OMD: variants seen among roughly 807,000 people sequenced by gnomAD.
The protein encoded by OMD is osteomodulin.
In OMD, 19 loss-of-function variants were observed where a neutral mutation model predicts 31.2. The observed-to-expected ratio is 0.61, with a 90% confidence interval of 0.42 to 0.89. The LOEUF is 0.89. Among genes scored for constraint, OMD ranks in the 40% least tolerant of loss-of-function variants. OMD has a pLI of 0.00. For synonymous variants in OMD, 155 were observed against 166.4 expected, an observed-to-expected ratio of 0.93 and a Z score of 0.53; for missense variants, 448 against 490.8, an observed-to-expected ratio of 0.91 and a Z score of 0.82.
At chr9:92,418,081 C>CTTTTTTCT (rs144702027) in intron 1 of OMD, among the ~76,000 whole-genome samples, 2 of 150,096 alleles carry the variant, frequency 1.3e-5, no homozygotes, top group East Asian at 4.0e-4. Flanking sequence ...TTTCTTTTTT[C>CTTTTTTCT]TTTTTCTTTT....
At chr9:92,420,373 G>T (rs915346126) in intron 1 of OMD, among the ~76,000 whole-genome samples, 1 of 151,988 alleles carries the variant, frequency 6.6e-6, no homozygotes, top group African/African-American at 2.4e-5. Flanking sequence ...AAACTTTCTG[G>T]CTCCTTCAAT....
At position 92,412,707 on chromosome 9, in the gene OMD, G is replaced by A. The variant is rs973059962; in HGVS notation, c.*2445C>T. Among the ~76,000 whole-genome samples, 2 of 152,146 alleles carry A rather than the reference G, an allele frequency of 1.3e-5. No homozygotes were observed. The highest frequency in any genetic ancestry group is 4.8e-5 in the African/African-American group (2 of 41,450). On this transcript the variant is annotated 3_prime_UTR_variant, in exon 3 of 3. Coordinates refer to ENST00000375550, the MANE Select transcript of OMD (RefSeq NM_005014.3). ...CAGTGCTTCGTTACTTTTTATTGCT[G>A]AATAATATTCCACTGTATGGATATA...
chr9:92,416,571 C>G, intron 2 of OMD, 48 bp downstream of exon 2: 1 of 1,165,440 alleles, frequency 8.6e-7, no homozygotes, highest in Non-Finnish European at 1.2e-6. Context: ...TTTAAAAGAT[C>G]AGGATTCCAT....
intron 2 of OMD, 59 bp downstream of exon 2, chr9:92,416,560 C>T: frequency 7.3e-6 from 8 of 1,094,648 alleles, no homozygotes; most frequent in South Asian, 1.7e-5. Flanking sequence ...ATATTTTTTT[C>T]TTTAAAAGAT....
rs147807372 is a variant in OMD at position 92,415,361 on chromosome 9, A to T, written c.1057T>A (p.Cys353Ser). ...KEPISSYIFF[C>S]FPHIHTIYYG... ...TAAATAGTGTGTATATGAGGGAAGC[A>T]GAAGAAGATGTATGAGCTTATTGGT... Residue 353 changes from cysteine to serine, a missense_variant, in exon 3 of 3, where the codon TGC (cysteine) becomes AGC (serine). Physicochemically the swap from Cys to Ser is moderately radical, Grantham distance 112. Coordinates refer to ENST00000375550, the MANE Select transcript of OMD (RefSeq NM_005014.3). 8.1e-6 allele frequency: 13 copies of T among 1,612,574 alleles called. No individual in the cohort carries two copies. The highest frequency in any genetic ancestry group is 1.1e-5 in the Non-Finnish European group (13 of 1,178,850).
chr9:92,416,195 G>A (rs931575839), intron 2 of OMD, among the ~76,000 whole-genome samples: 1 of 151,060 alleles, frequency 6.6e-6, no homozygotes, highest in African/African-American at 2.4e-5. Flanking sequence ...CGATTCCTGG[G>A]TTCAAGCAAC....
rs543660803 is a variant in OMD at position 92,413,583 on chromosome 9, T to A, written c.*1569A>T. ...TTAACTCTTAATGTTTGAATTTATA[T>A]CCTGTATTTAAAAATTGCAAGAAAA... On this transcript the variant is annotated 3_prime_UTR_variant, in exon 3 of 3. Coordinates refer to ENST00000375550, the MANE Select transcript of OMD (RefSeq NM_005014.3). 6.6e-6 allele frequency among the ~76,000 whole-genome samples: 1 copy of A among 152,334 alleles called. No homozygotes were observed. Among genetic ancestry groups the A allele is most frequent in the South Asian group, 2.1e-4 (1 of 4,834 alleles).
At position 92,416,692 on chromosome 9, in the gene OMD, G is replaced by A; in HGVS notation, c.867C>T (p.His289=). 6.2e-7 allele frequency: 1 copy of A among 1,611,816 alleles called. No individual in the cohort carries two copies. Among genetic ancestry groups the A allele is most frequent in the East Asian group, 2.2e-5 (1 of 44,794 alleles). The change falls in exon 2 of 3, where the codon CAC becomes CAT. Residue 289 remains histidine, a synonymous_variant. Transcript: ENST00000375550. ...TATAGAATGCTTGCTTCAATTTGTTGTGTCCAACACTGAGTTCTACAATGT... is the reference window on the plus strand; with the variant it reads ...TATAGAATGCTTGCTTCAATTTGTTATGTCCAACACTGAGTTCTACAATGT... ...LPNIVELSVG[H]NKLKQAFYIP...
At chr9:92,422,140 T>TC (rs1330237245) in intron 1 of OMD, among the ~76,000 whole-genome samples, 1 of 152,106 alleles carries the variant, frequency 6.6e-6, no homozygotes, top group Non-Finnish European at 1.5e-5. Context: ...AACCTCCGCC[T>TC]CCCAGGCTCA....
At chr9:92,418,367 G>A (rs527471093) in intron 1 of OMD, among the ~76,000 whole-genome samples, 19 of 151,714 alleles carry the variant, frequency 1.3e-4, no homozygotes, top group Admixed American at 7.2e-4. Flanking sequence ...GATTACAGGC[G>A]TGAGCCACTG....
rs961059562 is a variant in OMD at position 92,413,277 on chromosome 9, G to C, written c.*1875C>G. 4.6e-5 allele frequency among the ~76,000 whole-genome samples: 7 copies of C among 152,022 alleles called. No homozygotes were observed. Among genetic ancestry groups the C allele is most frequent in the Non-Finnish European group, 1.0e-4 (7 of 68,006 alleles). ...GCTGGGATTACAGGTGTGAGCTAAT[G>C]CGCCCGACTATATGTAACTAACTTT... is the stretch of plus-strand genomic sequence containing the variant. On this transcript the variant is annotated 3_prime_UTR_variant, in exon 3 of 3. Coordinates refer to ENST00000375550, the MANE Select transcript of OMD (RefSeq NM_005014.3).
At position 92,417,324 on chromosome 9, in the gene OMD, C is replaced by T; in HGVS notation, c.235G>A (p.Asp79Asn). ...GGGATAGTCTTGAGTTTGCGATTAT[C>T]ACAGTACATTGATGATGGAAAGTTA... ...PTNFPSSMYC[D>N]NRKLKTIPNI... Residue 79 changes from aspartate (D) to asparagine (N), a missense_variant, in exon 2 of 3, where the codon GAT becomes AAT. Transcript: ENST00000375550. 6 of 1,614,064 alleles carry T rather than the reference C, an allele frequency of 3.7e-6. No individual in the cohort carries two copies. Among genetic ancestry groups the T allele is most frequent in the Non-Finnish European group, 5.1e-6 (6 of 1,179,966 alleles).
intron 2 of OMD, among the ~76,000 whole-genome samples, chr9:92,416,098 A>T (rs1293347168): frequency 3.7e-5 from 5 of 133,510 alleles, no homozygotes; most frequent in South Asian, 2.3e-4. Flanking sequence ...TTATTTATTT[A>T]TTTTATTTTT....
chr9:92,420,242 A>G (rs1466371996), intron 1 of OMD, among the ~76,000 whole-genome samples: 2 of 152,118 alleles, frequency 1.3e-5, no homozygotes, highest in Non-Finnish European at 2.9e-5. Flanking sequence ...GTGGAACCTC[A>G]GCTATATTGA....
rs574340979 is a variant in OMD, at chr9:92,415,187, G to A, written c.1231C>T (p.His411Tyr). The change falls in exon 3 of 3, where the codon CAC becomes TAC. Residue 411 changes from histidine (H) to tyrosine (Y), a missense_variant. Physicochemically the swap from His to Tyr is moderately conservative, Grantham distance 83. Transcript: ENST00000375550. Reference protein sequence around the residue: ...ESPEQEGAEGHFDLHYYENQE With the variant: ...ESPEQEGAEGYFDLHYYENQE ...TTTTCATAATAATGAAGGTCAAAGT[G>A]CCCTTCTGCTCCTTCTTGTTCTGGG... is the stretch of plus-strand genomic sequence containing the variant. 1 of 1,611,658 alleles carries A rather than the reference G, an allele frequency of 6.2e-7. No homozygotes were observed. Among genetic ancestry groups the A allele is most frequent in the East Asian group, 2.2e-5 (1 of 44,840 alleles).
intron 1 of OMD, among the ~76,000 whole-genome samples, 185 bp downstream of exon 1, chr9:92,424,017 C>T (rs1234139988): frequency 1.3e-5 from 2 of 152,010 alleles, no homozygotes; most frequent in Admixed American, 6.5e-5. Context: ...ACTCATTATA[C>T]TACTTTATTT....
At position 92,416,734 on chromosome 9, in the gene OMD, A is replaced by G; in HGVS notation, c.825T>C (p.Asn275=). 1 of 1,613,610 alleles carries G rather than the reference A, an allele frequency of 6.2e-7. No homozygotes were observed. Among genetic ancestry groups the G allele is most frequent in the South Asian group, 1.1e-5 (1 of 91,078 alleles). ...SHNKLQDIPY[N]IFNLPNIVEL... ...CTACAATGTTGGGAAGATTAAAAATATTATATGGGATGTCTTGTAGTTTGT... is the reference window on the plus strand; with the variant it reads ...CTACAATGTTGGGAAGATTAAAAATGTTATATGGGATGTCTTGTAGTTTGT... The change falls in exon 2 of 3, where the codon AAT becomes AAC. Residue 275 remains asparagine, a synonymous_variant. Coordinates refer to ENST00000375550, the MANE Select transcript of OMD (RefSeq NM_005014.3).
chr9:92,420,121 G>A (rs969353988), intron 1 of OMD, among the ~76,000 whole-genome samples: 1 of 151,972 alleles, frequency 6.6e-6, no homozygotes, highest in South Asian at 2.1e-4. Flanking sequence ...CCGCATCCTG[G>A]GTTTTGTCTT....
rs202005896 is a variant in OMD at position 92,416,655 on chromosome 9, A to G, written c.904T>C (p.Leu302=). The change falls in exon 2 of 3, where the codon TTG becomes CTG. Residue 302 remains leucine (L), a synonymous_variant. Coordinates refer to ENST00000375550, the MANE Select transcript of OMD (RefSeq NM_005014.3). ...LKQAFYIPRN[L]EHLYLQNNEI... ...TTATTTTGTAGGTATAGGTGTTCCA[A>G]ATTTCTTGGAATATAGAATGCTTGC... is the stretch of plus-strand genomic sequence containing the variant. 222 of 1,601,820 alleles carry G rather than the reference A, an allele frequency of 1.4e-4. No homozygotes were observed. The highest frequency in any genetic ancestry group is 1.8e-4 in the Non-Finnish European group (217 of 1,175,840).
Sources: gnomAD v4.1 joint callset for allele counts (sites outside exome capture counted in the v4.1 genomes callset) on GRCh38, gnomAD v4.1.1 for gene constraint, MANE v1.5 for transcripts, NCBI Gene and HGNC (gene_info 2026-07-23, HGNC 2026-07-21) for gene names.